SLC13A1: variants seen among roughly 807,000 people sequenced by gnomAD.
SLC13A1 encodes Na(+)/sulfate cotransporter.
Under a neutral mutation model 70.0 loss-of-function variants are expected in SLC13A1, and 65 were observed. The observed-to-expected ratio is 0.93, with a 90% CI of 0.76 to 1.14. SLC13A1 has a LOEUF of 1.14. Ranked by LOEUF, SLC13A1 falls within the 50% of genes most tolerant of loss-of-function variation. SLC13A1 has a pLI of 0.00. For missense variants in SLC13A1, 726 were observed against 717.8 expected (o/e 1.01, Z -0.13); for synonymous variants, 275 against 250.5 (o/e 1.10, Z -0.92).
At chr7:123,133,136 T>A (rs1793823806) in intron 8 of SLC13A1, among the ~76,000 whole-genome samples, 2 of 152,150 alleles carry the variant, frequency 1.3e-5, no homozygotes, top group Non-Finnish European at 2.9e-5. Flanking sequence ...TCTGGGTAAA[T>A]TCTATCATCT....
chr7:123,152,517 C>T (rs1028665636), intron 6 of SLC13A1, among the ~76,000 whole-genome samples: 1 of 151,988 alleles, frequency 6.6e-6, no homozygotes, highest in Non-Finnish European at 1.5e-5. Flanking sequence ...AGAAGAAATG[C>T]CATCTTCCAT....
At chr7:123,198,707 G>C (rs1796260692) in intron 1 of SLC13A1, among the ~76,000 whole-genome samples, 2 of 152,076 alleles carry the variant, frequency 1.3e-5, no homozygotes, top group African/African-American at 4.8e-5. Flanking sequence ...AGAGGCTGGA[G>C]GGACCACCAT....
chr7:123,177,778 C>G (rs956869240), intron 2 of SLC13A1, among the ~76,000 whole-genome samples: 4 of 152,086 alleles, frequency 2.6e-5, no homozygotes, highest in African/African-American at 9.7e-5. Context: ...TCTCTCTGAT[C>G]CCCATCATCC....
chr7:123,192,240 A>G (rs1406325301), intron 1 of SLC13A1, among the ~76,000 whole-genome samples: 1 of 152,218 alleles, frequency 6.6e-6, no homozygotes, highest in Non-Finnish European at 1.5e-5. Context: ...AGTTAAAAAT[A>G]TCATAGTCAT....
At chr7:123,117,884 A>G (rs1051546217) in intron 13 of SLC13A1, among the ~76,000 whole-genome samples, 1 of 151,804 alleles carries the variant, frequency 6.6e-6, no homozygotes, top group East Asian at 1.9e-4. Context: ...AAAAACAGCA[A>G]CCATTTATTA....
intron 6 of SLC13A1, among the ~76,000 whole-genome samples, chr7:123,150,159 C>A (rs2462150): frequency 6.6e-6 from 1 of 151,868 alleles, no homozygotes; most frequent in Admixed American, 6.6e-5. Context: ...TACTCTACCT[C>A]TTTCCACAAG....
At chr7:123,180,951 T>C in intron 2 of SLC13A1, 22 bp downstream of exon 2, 1 of 1,597,080 alleles carries the variant, frequency 6.3e-7, no homozygotes, top group Non-Finnish European at 8.5e-7. Flanking sequence ...AATCAACTTA[T>C]GACATTGGCA....
chr7:123,139,787 G>C (rs1301495234), intron 7 of SLC13A1, among the ~76,000 whole-genome samples: 1 of 151,904 alleles, frequency 6.6e-6, no homozygotes, highest in Non-Finnish European at 1.5e-5. Flanking sequence ...TACTGAATTT[G>C]TTTATCAGTT....
chr7:123,118,515 T>C (rs1267075167), intron 13 of SLC13A1, among the ~76,000 whole-genome samples: 1 of 152,148 alleles, frequency 6.6e-6, no homozygotes, highest in Non-Finnish European at 1.5e-5. Context: ...TTGTAATTGC[T>C]ACCTAGATTG....
intron 7 of SLC13A1, among the ~76,000 whole-genome samples, chr7:123,136,081 C>T (rs540245458): frequency 3.3e-5 from 5 of 152,306 alleles, no homozygotes; most frequent in South Asian, 2.1e-4. Context: ...TACAACCTAA[C>T]GACACTCAGA....
At chr7:123,180,094 G>A (rs1041135690) in intron 2 of SLC13A1, among the ~76,000 whole-genome samples, 5 of 152,044 alleles carry the variant, frequency 3.3e-5, no homozygotes, top group African/African-American at 1.2e-4. Context: ...AAGTTAGGTG[G>A]GAGGGGAAAA....
chr7:123,184,990 G>A (rs925497900), intron 1 of SLC13A1, among the ~76,000 whole-genome samples: 2 of 151,994 alleles, frequency 1.3e-5, no homozygotes, highest in African/African-American at 4.8e-5. Context: ...TCTAACAAAG[G>A]TGAGATAATA....
At chr7:123,117,360 GGCCCT>G in intron 14 of SLC13A1, 106 bp downstream of exon 14, 1 of 1,065,886 alleles carries the variant, frequency 9.4e-7, no homozygotes, top group South Asian at 1.5e-5. Flanking sequence ...ACAGAATTCA[GGCCCT>G]GCTTTTCCTG....
chr7:123,118,547 T>C (rs1306749501), intron 13 of SLC13A1, among the ~76,000 whole-genome samples: 2 of 152,150 alleles, frequency 1.3e-5, no homozygotes, highest in Non-Finnish European at 2.9e-5. Context: ...AAAGACATTC[T>C]TTCCCTCTCT....
intron 1 of SLC13A1, among the ~76,000 whole-genome samples, chr7:123,199,403 C>T (rs1796282017): frequency 6.6e-6 from 1 of 152,062 alleles, no homozygotes; most frequent in Non-Finnish European, 1.5e-5. Context: ...GTGACAAAGC[C>T]ACAGAGCTGA....
intron 6 of SLC13A1, among the ~76,000 whole-genome samples, chr7:123,163,221 G>A (rs1794969361): frequency 6.6e-6 from 1 of 152,006 alleles, no homozygotes; most frequent in African/African-American, 2.4e-5. Context: ...ATTTCCTCAG[G>A]TACTGTCAGT....
intron 1 of SLC13A1, 45 bp downstream of exon 1, chr7:123,199,803 A>T: frequency 7.1e-7 from 1 of 1,410,540 alleles, no homozygotes; most frequent in Non-Finnish European, 1.0e-6. Context: ...AAGGACAATT[A>T]AATAAGTCAG....
chr7:123,124,240 C>T (rs1235273195), intron 11 of SLC13A1, among the ~76,000 whole-genome samples: 1 of 152,060 alleles, frequency 6.6e-6, no homozygotes, highest in African/African-American at 2.4e-5. Flanking sequence ...ATGTGGAAAC[C>T]AGGGAAGCTA....
intron 1 of SLC13A1, among the ~76,000 whole-genome samples, chr7:123,182,363 G>T (rs889474254): frequency 6.6e-6 from 1 of 152,046 alleles, no homozygotes; most frequent in Non-Finnish European, 1.5e-5. Context: ...AAGAACCTAG[G>T]TTGCAGAGAT....
Sources: gnomAD v4.1 joint callset for allele counts (sites outside exome capture counted in the v4.1 genomes callset) on GRCh38, gnomAD v4.1.1 for gene constraint, MANE v1.5 for transcripts, NCBI Gene and HGNC (gene_info 2026-07-23, HGNC 2026-07-21) for gene names.